Variants in ARL5B observed in about 807,000 individuals in gnomAD.
The protein encoded by ARL5B is ARF like GTPase 5B.
ARL5B carries 10 observed loss-of-function variants against 26.9 expected under a neutral mutation model. The observed-to-expected ratio is 0.37, with a 90% confidence interval of 0.23 to 0.63. The LOEUF (loss-of-function observed/expected upper bound fraction) is 0.63, where lower values mean the gene tolerates loss of function less well. ARL5B is among the 30% of genes least tolerant of loss of function. The pLI is 0.62. For missense variants in ARL5B, 167 were observed against 213.9 expected (o/e 0.78, Z 1.37); for synonymous variants, 87 against 70.4 (o/e 1.24, Z -1.18).
At position 18,668,600 on chromosome 10, in the gene ARL5B, A is replaced by T; in HGVS notation, c.178A>T (p.Thr60Ser). ...SNVEEIVVKN[T>S]HFLMWDIGGQ... ...TGTTGAAGAAATAGTTGTGAAGAAC[A>T]CTCATTTTCTTATGTGGGATATTGG... Residue 60 changes from threonine to serine, a missense_variant, in exon 3 of 6, where the codon ACT becomes TCT. By Grantham distance (58) the Thr-to-Ser change is moderately conservative. Coordinates refer to ENST00000377275, the MANE Select transcript of ARL5B (RefSeq NM_178815.5). 6.2e-7 allele frequency: 1 copy of T among 1,614,060 alleles called. No individual in the cohort carries two copies.
At chr10:18,670,336 C>T (rs990307246) in intron 3 of ARL5B, among the ~76,000 whole-genome samples, 2 of 152,050 alleles carry the variant, frequency 1.3e-5, no homozygotes, top group Non-Finnish European at 2.9e-5. Flanking sequence ...AAGGGCCAGG[C>T]GCAGTGGCTC....
chr10:18,681,278 CAAGT>C lies in ARL5B; in HGVS notation c.*6065_*6068del, dbSNP rs988904125. ...AACAACAACAACAAAAAATTTAAAA[CAAGT>C]AAATTAATGCATTCACATGATCACT... is the stretch of plus-strand genomic sequence containing the variant. On this transcript the variant is annotated 3_prime_UTR_variant, in exon 6 of 6. Coordinates refer to ENST00000377275, the MANE Select transcript of ARL5B (RefSeq NM_178815.5). 6 of 152,142 alleles carry C rather than the reference CAAGT, an allele frequency of 3.9e-5. No homozygotes were observed. Among genetic ancestry groups the C allele is most frequent in the African/African-American group, 1.4e-4 (6 of 41,428 alleles). 9.4% of individuals were successfully genotyped at this position (152,142 alleles called of 1,614,324 possible).
chr10:18,672,796 G>A, intron 4 of ARL5B, 91 bp downstream of exon 4: 1 of 756,736 alleles, frequency 1.3e-6, no homozygotes, highest in Non-Finnish European at 2.1e-6. Flanking sequence ...GTGATATGAT[G>A]TTGGCTATTT....
chr10:18,659,742 T>G (rs2059818771), intron 1 of ARL5B, 59 bp downstream of exon 1: 4 of 1,592,922 alleles, frequency 2.5e-6, no homozygotes, highest in Admixed American at 1.8e-5. Flanking sequence ...CCGCCGCCGA[T>G]GGGGACACCG....
intron 1 of ARL5B, among the ~76,000 whole-genome samples, chr10:18,663,566 T>TG (rs10687887): frequency 9.7e-4 from 144 of 147,730 alleles, no homozygotes; most frequent in African/African-American, 3.3e-3. Context: ...TTTTTTTTTT[T>TG]GAGATGGAGT....
At chr10:18,661,816 C>T (rs1366275208) in intron 1 of ARL5B, among the ~76,000 whole-genome samples, 2 of 152,136 alleles carry the variant, frequency 1.3e-5, no homozygotes, top group East Asian at 3.9e-4. Flanking sequence ...GGCAGAAGAG[C>T]TAATATGCAA....
chr10:18,668,747 C>A, intron 3 of ARL5B, 70 bp downstream of exon 3: 1 of 1,473,476 alleles, frequency 6.8e-7, no homozygotes, highest in Non-Finnish European at 9.1e-7. Context: ...AATTAGGCTG[C>A]ACCTGGGCGT....
chr10:18,672,657 A>G lies in ARL5B; in HGVS notation c.291A>G (p.Glu97=), dbSNP rs1259790350. The change falls in exon 4 of 6, where the codon GAA becomes GAG. Residue 97 remains glutamate, a synonymous_variant. Coordinates refer to ENST00000377275, the MANE Select transcript of ARL5B (RefSeq NM_178815.5). ...IILVVDSIDR[E]RLAITKEELY... ...TTGTTGTTGATAGCATTGACAGGGA[A>G]CGACTAGCTATTACAAAAGAAGAAT... The G allele has an allele frequency of 6.2e-7, 1 of 1,610,992 alleles. No individual in the cohort carries two copies. Among genetic ancestry groups the G allele is most frequent in the South Asian group, 1.1e-5 (1 of 90,720 alleles).
chr10:18,668,712 G>A lies in ARL5B; in HGVS notation c.255+35G>A, dbSNP rs763565789. On this transcript the variant is annotated intron_variant, in intron 3 of 5. Transcript: ENST00000377275. ...GATGAATTTTGAATTTTAATCCAAA[G>A]GTCCCTAGAGTAAACATAGAAAGTA... 2.5e-5 allele frequency: 40 copies of A among 1,601,712 alleles called. No homozygotes were observed. In the East Asian group the frequency reaches 8.7e-4, roughly 35 times the overall value.
At position 18,676,775 on chromosome 10, in the gene ARL5B, T is replaced by G. The variant is rs1297233627; in HGVS notation, c.*1559T>G. 1 of 151,966 alleles carries G rather than the reference T, an allele frequency of 6.6e-6. No homozygotes were observed. Among genetic ancestry groups the G allele is most frequent in the Non-Finnish European group, 1.5e-5 (1 of 67,868 alleles). The allele number at this position is 151,966 out of a possible 1,614,324, so 9.4% of individuals were successfully genotyped here. A position where few individuals can be genotyped will look rare whatever the true frequency, so the allele number is the denominator to read the frequency against. On this transcript the variant is annotated 3_prime_UTR_variant, in exon 6 of 6. Coordinates refer to ENST00000377275, the MANE Select transcript of ARL5B (RefSeq NM_178815.5). ...TTTCAGGTGTGCTTGGTTTATTATA[T>G]TTAGTCAAGTTAATTTAGTCGAATG...
At chr10:18,667,803 C>T (rs939982131) in intron 2 of ARL5B, among the ~76,000 whole-genome samples, 5 of 152,070 alleles carry the variant, frequency 3.3e-5, no homozygotes, top group African/African-American at 1.2e-4. Context: ...TGATCTCCAC[C>T]TCCCAGGTTC....
chr10:18,661,735 C>T (rs189339276), intron 1 of ARL5B, among the ~76,000 whole-genome samples: 1 of 152,052 alleles, frequency 6.6e-6, no homozygotes, highest in African/African-American at 2.4e-5. Context: ...TATACTTGGA[C>T]GTAATGTAAT....
rs756470400 is a variant in ARL5B at position 18,674,004 on chromosome 10, CCTTAT to C, written c.364_368del (p.Ile122CysfsTer3). 1 of 1,610,174 alleles carries C rather than the reference CCTTAT, an allele frequency of 6.2e-7. No homozygotes were observed. The highest frequency in any genetic ancestry group is 1.1e-5 in the South Asian group (1 of 90,550). ...TGCAGGATTTACGGAAGGCTGCAGT[CCTTAT>C]CTTTGCAAATAAACAGGATATGAAA... On this transcript the variant is annotated frameshift_variant, in exon 5 of 6. Coordinates refer to ENST00000377275, the MANE Select transcript of ARL5B (RefSeq NM_178815.5). LOFTEE classifies it high-confidence loss of function.
intron 3 of ARL5B, among the ~76,000 whole-genome samples, 196 bp from the exon 4 acceptor site, chr10:18,672,426 C>T (rs891531701): frequency 3.9e-5 from 6 of 152,124 alleles, no homozygotes; most frequent in African/African-American, 9.7e-5. Flanking sequence ...GAGTTATTTT[C>T]TTACTGTTAA....
At chr10:18,669,748 T>A (rs2059878201) in intron 3 of ARL5B, among the ~76,000 whole-genome samples, 1 of 152,076 alleles carries the variant, frequency 6.6e-6, no homozygotes, top group African/African-American at 2.4e-5. Context: ...ATCCCAGCAC[T>A]TTGGGAGGCC....
chr10:18,661,782 G>A (rs767644890), intron 1 of ARL5B, among the ~76,000 whole-genome samples: 4 of 152,234 alleles, frequency 2.6e-5, no homozygotes, highest in South Asian at 2.1e-4. Flanking sequence ...TAGACAGACC[G>A]AATAGAAGGG....
rs1177329802 is a variant in ARL5B at position 18,678,938 on chromosome 10, A to T, written c.*3722A>T. ...TGAGGAACTTAAACTACAGCTCTAA[A>T]ATGTCTTTTGGTTTTAAAATTCTGA... On this transcript the variant is annotated 3_prime_UTR_variant, in exon 6 of 6. Transcript: ENST00000377275. 2 of 151,856 alleles carry T rather than the reference A, an allele frequency of 1.3e-5. No homozygotes were observed. Among genetic ancestry groups the T allele is most frequent in the South Asian group, 4.1e-4 (2 of 4,828 alleles). The allele number at this position is 151,856 out of a possible 1,614,324, so 9.4% of individuals were successfully genotyped here.
chr10:18,663,739 G>A (rs1295297563), intron 1 of ARL5B, among the ~76,000 whole-genome samples: 5 of 151,020 alleles, frequency 3.3e-5, no homozygotes, highest in Non-Finnish European at 7.4e-5. Flanking sequence ...TAGTAGAGAC[G>A]GGGTTTCACC....
Position 18,676,425 on chromosome 10 carries a change from A to G in ARL5B, c.*1209A>G, listed in dbSNP as rs561981675. On this transcript the variant is annotated 3_prime_UTR_variant, in exon 6 of 6. Coordinates refer to ENST00000377275, the MANE Select transcript of ARL5B (RefSeq NM_178815.5). Reference sequence around the variant, plus strand: ...AATATTCTTAACAACTTAAAATTAAAAAAAGTCATAATCTATCAAAAGTTT... The same window carrying G: ...AATATTCTTAACAACTTAAAATTAAGAAAAGTCATAATCTATCAAAAGTTT... The G allele has an allele frequency of 6.6e-6, 1 of 152,156 alleles. No homozygotes were observed. Among genetic ancestry groups the G allele is most frequent in the African/African-American group, 2.4e-5 (1 of 41,558 alleles). 9.4% of individuals were successfully genotyped at this position (152,156 alleles called of 1,614,324 possible).
Sources: gnomAD v4.1 joint callset for allele counts (sites outside exome capture counted in the v4.1 genomes callset) on GRCh38, gnomAD v4.1.1 for gene constraint, MANE v1.5 for transcripts, NCBI Gene and HGNC (gene_info 2026-07-23, HGNC 2026-07-21) for gene names.